The following AHCY variants were observed in gnomAD, a reference collection of about 807,000 sequenced individuals.
The protein encoded by AHCY is adenosylhomocysteinase, also known as S-adenosyl-L-homocysteine hydrolase.
A neutral mutation model predicts 45.4 loss-of-function variants in AHCY; 24 were observed. That is an observed-to-expected ratio of 0.53 (90% confidence interval 0.38 to 0.74). The LOEUF is 0.74. Among genes scored for constraint, AHCY ranks in the 30% least tolerant of loss-of-function variants. The pLI is 0.00. For synonymous variants in AHCY, 245 were observed against 235.1 expected (o/e 1.04, Z -0.39); for missense variants, 449 against 594.1 (o/e 0.76, Z 2.54).
the AHCY span, among the ~76,000 whole-genome samples, chr20:34,267,654 C>T: frequency 6.6e-6 from 1 of 151,958 alleles, no homozygotes; most frequent in East Asian, 1.9e-4. Context: ...GCCTCAGCCT[C>T]CCGGGAGTAG....
At chr20:34,277,870 G>A (rs1249026447), downstream of AHCY, among the ~76,000 whole-genome samples, 3 of 151,934 alleles carry the variant, frequency 2.0e-5, no homozygotes, top group Non-Finnish European at 4.4e-5. Context: ...GGGGAACACA[G>A]TGAGTCAGCA....
chr20:34,279,051 G>C (rs6120593), downstream of AHCY, among the ~76,000 whole-genome samples: 1,583 of 141,042 alleles, frequency 0.011, 32 homozygotes, highest in African/African-American at 0.042. Context: ...AGAGGTTGCA[G>C]TGAGCTGAGA....
downstream of AHCY, among the ~76,000 whole-genome samples, chr20:34,276,632 C>A (rs2035912446): frequency 6.6e-6 from 1 of 152,156 alleles, no homozygotes; most frequent in Non-Finnish European, 1.5e-5. Context: ...AAGGTTGTAA[C>A]TCCTCCCACC....
intron 3 of AHCY, 127 bp downstream of exon 3, chr20:34,293,954 G>T (rs971194688): frequency 4.2e-6 from 4 of 957,302 alleles, no homozygotes; most frequent in Non-Finnish European, 6.6e-6. Flanking sequence ...CGCTGGGCTA[G>T]GATTTTGTGG....
chr20:34,289,784 A>G (rs1208947318), intron 8 of AHCY, among the ~76,000 whole-genome samples: 1 of 151,504 alleles, frequency 6.6e-6, no homozygotes, highest in Admixed American at 6.6e-5. Context: ...GGCCCAGCTA[A>G]TTTTTTTGTA....
At chr20:34,276,674 C>CT (rs2035912827), downstream of AHCY, among the ~76,000 whole-genome samples, 2 of 152,094 alleles carry the variant, frequency 1.3e-5, no homozygotes, top group Admixed American at 1.3e-4. Context: ...CTGGGGGAGT[C>CT]TGAGTCCAAG....
the AHCY span, among the ~76,000 whole-genome samples, chr20:34,242,074 G>A: frequency 2.0e-5 from 3 of 152,092 alleles, no homozygotes; most frequent in South Asian, 6.2e-4. Flanking sequence ...TTCAATTGTA[G>A]GTGAGTTCGC....
intron 1 of AHCY, among the ~76,000 whole-genome samples, chr20:34,309,885 G>A (rs956727484): frequency 3.3e-5 from 5 of 151,104 alleles, no homozygotes; most frequent in African/African-American, 1.2e-4. Flanking sequence ...AAGGAGGTAG[G>A]GAGGGAAGGA....
the AHCY span, among the ~76,000 whole-genome samples, chr20:34,274,116 A>G: frequency 6.6e-6 from 1 of 152,198 alleles, no homozygotes; most frequent in Non-Finnish European, 1.5e-5. Context: ...CTATGGCTGT[A>G]TAGACTACCA....
chr20:34,268,768 A>G, the AHCY span, among the ~76,000 whole-genome samples: 1 of 150,308 alleles, frequency 6.7e-6, no homozygotes, highest in Non-Finnish European at 1.5e-5. Context: ...CAAAAAAAAC[A>G]CAAACTAGGG....
At chr20:34,291,614 T>C in intron 4 of AHCY, 83 bp from the exon 5 acceptor site, 1 of 1,252,646 alleles carries the variant, frequency 8.0e-7, no homozygotes, top group East Asian at 2.4e-5. Context: ...CCTAAAGCCA[T>C]TCCTCTTTCT....
At chr20:34,252,645 C>A in the AHCY span, among the ~76,000 whole-genome samples, 2 of 152,154 alleles carry the variant, frequency 1.3e-5, no homozygotes, top group Non-Finnish European at 2.9e-5. Flanking sequence ...CTTATCTCAA[C>A]TGCAAAGAGG....
chr20:34,277,628 G>A (rs560221391), downstream of AHCY, among the ~76,000 whole-genome samples: 5 of 151,880 alleles, frequency 3.3e-5, no homozygotes, highest in South Asian at 8.3e-4. Flanking sequence ...GGTGGCGGGC[G>A]CCTGTAGTCC....
chr20:34,285,370 G>A (rs1294874356), intron 9 of AHCY, 70 bp downstream of exon 9: 2 of 1,570,724 alleles, frequency 1.3e-6, no homozygotes, highest in Non-Finnish European at 1.7e-6. Context: ...TATAAACTCT[G>A]GCAAGCCCTG....
At chr20:34,237,176 C>CTTTATTCTTT in the AHCY span, among the ~76,000 whole-genome samples, 1 of 152,066 alleles carries the variant, frequency 6.6e-6, no homozygotes, top group Non-Finnish European at 1.5e-5. Context: ...AGTCCTCCAG[C>CTTTATTCTTT]TTTATTCTTT....
chr20:34,251,436 G>A, the AHCY span, among the ~76,000 whole-genome samples: 1 of 151,456 alleles, frequency 6.6e-6, no homozygotes, highest in Non-Finnish European at 1.5e-5. Context: ...ACGCCCGGCT[G>A]ATTTTTTTTT....
At chr20:34,264,253 T>G in the AHCY span, among the ~76,000 whole-genome samples, 1 of 152,158 alleles carries the variant, frequency 6.6e-6, no homozygotes, top group Non-Finnish European at 1.5e-5. Flanking sequence ...CATAACTGTG[T>G]AAACAACTGC....
At chr20:34,267,539 T>A in the AHCY span, among the ~76,000 whole-genome samples, 2 of 151,910 alleles carry the variant, frequency 1.3e-5, no homozygotes, top group Non-Finnish European at 2.9e-5. Context: ...TTTATTTATT[T>A]ATTTTTTTTG....
the AHCY span, among the ~76,000 whole-genome samples, chr20:34,243,803 G>A: frequency 1.3e-5 from 2 of 150,238 alleles, no homozygotes; most frequent in African/African-American, 4.9e-5. Context: ...GGTGGCTCAC[G>A]CCTGTAATCC....
Sources: allele counts gnomAD v4.1 joint callset (sites outside exome capture counted in the v4.1 genomes callset), GRCh38; gene constraint gnomAD v4.1.1; transcripts MANE v1.5; gene names NCBI Gene and HGNC (gene_info 2026-07-23, HGNC 2026-07-21).